Variants in GALNT18 observed in about 807,000 individuals in gnomAD.
GALNT18 encodes polypeptide N-acetylgalactosaminyltransferase 18.
GALNT18 carries 44 observed loss-of-function variants against 69.5 expected under a neutral mutation model. The ratio of observed to expected loss-of-function variants is 0.63; its 90% CI spans 0.50 to 0.81. The LOEUF is 0.81. Among genes scored for constraint, GALNT18 ranks in the 40% least tolerant of loss-of-function variants. The pLI is 0.00. For synonymous variants in GALNT18, 364 were observed against 318.2 expected (o/e 1.14, Z -1.53); for missense variants, 715 against 810.0 (o/e 0.88, Z 1.42).
intron 3 of GALNT18, among the ~76,000 whole-genome samples, chr11:11,414,178 C>T (rs557343669): frequency 1.3e-4 from 20 of 152,282 alleles, no homozygotes; most frequent in African/African-American, 4.8e-4. Context: ...ATCGCAACAG[C>T]CTCCCAGATG....
chr11:11,358,846 C>T (rs1324969747), intron 6 of GALNT18, among the ~76,000 whole-genome samples: 1 of 127,924 alleles, frequency 7.8e-6, no homozygotes, highest in Non-Finnish European at 1.7e-5. Context: ...CACACACACA[C>T]ACACACACAC....
rs1018420978 is a variant in GALNT18 at position 11,383,983 on chromosome 11, G to T, written c.596-4719C>A. Among the ~76,000 whole-genome samples, 6 of 152,010 alleles carry T rather than the reference G, an allele frequency of 3.9e-5. No homozygotes were observed. Among genetic ancestry groups the T allele is most frequent in the South Asian group, 2.1e-4 (1 of 4,812 alleles). ...ATTAAACCTCTTTTCTTTATAAATTGCCCAGTCTCAGGTAGTTCTTTATAG... is the reference window on the plus strand; with the variant it reads ...ATTAAACCTCTTTTCTTTATAAATTTCCCAGTCTCAGGTAGTTCTTTATAG... On this transcript the variant is annotated intron_variant, in intron 3 of 10. Coordinates refer to ENST00000227756, the MANE Select transcript of GALNT18 (RefSeq NM_198516.3). The surrounding 1 kb of genome is among the most constrained non-coding windows in gnomAD (Gnocchi z 5.2).
intron 9 of GALNT18, among the ~76,000 whole-genome samples, chr11:11,322,967 T>C (rs960218379): frequency 9.8e-5 from 15 of 152,292 alleles, no homozygotes; most frequent in African/African-American, 3.6e-4. Context: ...TCTGCTCTTA[T>C]AAGGACACTA....
intron 3 of GALNT18, among the ~76,000 whole-genome samples, chr11:11,423,820 C>T (rs1339390415): frequency 6.6e-6 from 1 of 152,264 alleles, no homozygotes; most frequent in African/African-American, 2.4e-5. Context: ...TTCGCTGGGT[C>T]TGCCTCCCTG....
At chr11:11,487,488 C>T (rs1856669445) in intron 1 of GALNT18, among the ~76,000 whole-genome samples, 4 of 152,170 alleles carry the variant, frequency 2.6e-5, no homozygotes, top group Admixed American at 2.0e-4. Flanking sequence ...AATGCTAGTA[C>T]AAATAAAATA....
chr11:11,609,256 C>T (rs558259860), intron 1 of GALNT18, among the ~76,000 whole-genome samples: 38 of 152,316 alleles, frequency 2.5e-4, no homozygotes, highest in Non-Finnish European at 4.9e-4. Context: ...GCTTCCCAAC[C>T]CGCCCCTCTC....
chr11:11,561,626 C>T (rs1858509382), intron 1 of GALNT18, among the ~76,000 whole-genome samples: 1 of 152,214 alleles, frequency 6.6e-6, no homozygotes, highest in Non-Finnish European at 1.5e-5. Context: ...CAAAAGTATA[C>T]AGCTGAGGAA....
chr11:11,418,133 C>T (rs1164571562), intron 3 of GALNT18, among the ~76,000 whole-genome samples: 1 of 152,246 alleles, frequency 6.6e-6, no homozygotes, highest in Non-Finnish European at 1.5e-5. Flanking sequence ...GAAAACTCTT[C>T]TATCCCCATG....
chr11:11,450,646 G>A (rs11021857), intron 1 of GALNT18, among the ~76,000 whole-genome samples: 16,022 of 152,136 alleles, frequency 0.11, 1,351 homozygotes, highest in East Asian at 0.45. Context: ...GTACCTCTCC[G>A]GGCCACGTCC....
chr11:11,452,137 G>C (rs1048579934), intron 1 of GALNT18, among the ~76,000 whole-genome samples: 1 of 152,206 alleles, frequency 6.6e-6, no homozygotes, highest in African/African-American at 2.4e-5. Flanking sequence ...CTGTACCTTA[G>C]AGTTGACTCT....
intron 9 of GALNT18, among the ~76,000 whole-genome samples, chr11:11,322,358 C>T (rs530357621): frequency 6.6e-6 from 1 of 152,328 alleles, no homozygotes; most frequent in South Asian, 2.1e-4. Context: ...AACTGGCAGC[C>T]TCTGCTCAGG....
intron 1 of GALNT18, among the ~76,000 whole-genome samples, chr11:11,466,473 T>C (rs893047989): frequency 3.9e-5 from 6 of 152,202 alleles, no homozygotes; most frequent in African/African-American, 1.4e-4. Context: ...TGATCCCCCA[T>C]TGAAAATAAC....
intron 2 of GALNT18, among the ~76,000 whole-genome samples, chr11:11,433,675 C>A (rs1855328564): frequency 6.6e-6 from 1 of 152,184 alleles, no homozygotes; most frequent in African/African-American, 2.4e-5. Context: ...CATGAGAGGC[C>A]AGACGATGAA....
intron 6 of GALNT18, among the ~76,000 whole-genome samples, chr11:11,367,790 A>G (rs141427275): frequency 1.2e-3 from 178 of 152,354 alleles, no homozygotes; most frequent in African/African-American, 4.2e-3. Context: ...CTATTTCAGT[A>G]TCAGAAATTT....
chr11:11,360,953 T>A (rs752212237), intron 6 of GALNT18, among the ~76,000 whole-genome samples: 1 of 152,196 alleles, frequency 6.6e-6, no homozygotes, highest in South Asian at 2.1e-4. Flanking sequence ...CATTGGTAGA[T>A]CAAAGAACAC....
intron 10 of GALNT18, among the ~76,000 whole-genome samples, chr11:11,289,074 A>T (rs1170746154): frequency 2.6e-5 from 4 of 152,172 alleles, no homozygotes; most frequent in African/African-American, 9.7e-5. Context: ...GCAAAGATTA[A>T]AACCTGTTGC....
intron 9 of GALNT18, among the ~76,000 whole-genome samples, chr11:11,299,366 G>A (rs368979586): frequency 1.3e-5 from 2 of 152,060 alleles, no homozygotes; most frequent in Non-Finnish European, 2.9e-5. Flanking sequence ...GGCTGGTCTC[G>A]AACTCCTGAC....
At chr11:11,294,423 T>G (rs1476492703) in intron 9 of GALNT18, among the ~76,000 whole-genome samples, 3 of 152,040 alleles carry the variant, frequency 2.0e-5, no homozygotes, top group Non-Finnish European at 4.4e-5. Context: ...ATAATCAGAT[T>G]AAGCACAGAG....
At chr11:11,521,494 G>A (rs115773333) in intron 1 of GALNT18, among the ~76,000 whole-genome samples, 1,983 of 152,072 alleles carry the variant, frequency 0.013, 35 homozygotes, top group African/African-American at 0.045. Flanking sequence ...GACGCTGCAG[G>A]CCTTGTGAAG....
Sources: gnomAD v4.1 joint callset for allele counts (sites outside exome capture counted in the v4.1 genomes callset) on GRCh38, gnomAD v4.1.1 for gene constraint, Gnocchi (gnomAD v3.1) non-coding constraint, MANE v1.5 for transcripts, NCBI Gene and HGNC (gene_info 2026-07-23, HGNC 2026-07-21) for gene names.